ORC5: variants seen among roughly 807,000 people sequenced by gnomAD.
The protein encoded by ORC5 is protein phosphatase 1, regulatory subunit 117.
A neutral mutation model predicts 58.8 loss-of-function variants in ORC5; 39 were observed. The observed-to-expected ratio is 0.66, with a 90% CI of 0.51 to 0.87. The LOEUF (loss-of-function observed/expected upper bound fraction) is 0.87, where lower values mean the gene tolerates loss of function less well. Ranked by LOEUF, ORC5 falls within the 40% of genes least tolerant of loss-of-function variation. The pLI is 0.00. For synonymous variants in ORC5, 218 were observed against 177.6 expected, an observed-to-expected ratio of 1.23 and a Z score of -1.81; for missense variants, 493 against 506.3, an observed-to-expected ratio of 0.97 and a Z score of 0.25.
intron 8 of ORC5, among the ~76,000 whole-genome samples, chr7:104,176,042 T>C (rs899957808): frequency 2.6e-4 from 39 of 152,260 alleles, no homozygotes; most frequent in African/African-American, 7.0e-4. Flanking sequence ...CTTCATAAGA[T>C]TGCCTACTGG....
At position 104,138,121 on chromosome 7, in the gene ORC5, C is replaced by T. The variant is rs1347067955; in HGVS notation, c.1150-1228G>A. 2.0e-5 allele frequency among the ~76,000 whole-genome samples: 3 copies of T among 152,206 alleles called. No individual in the cohort carries two copies. Among genetic ancestry groups the T allele is most frequent in the Non-Finnish European group, 2.9e-5 (2 of 68,036 alleles). On this transcript the variant is annotated intron_variant, in intron 12 of 13. Coordinates refer to ENST00000297431, the MANE Select transcript of ORC5 (RefSeq NM_002553.4). This position sits in a 1 kb window ranked among gnomAD's most constrained non-coding sequence, Gnocchi z 4.7. ...GGGACACTGAAGAAGCAAGCCACTACCCCTGGAAGGGGGACAAGGGAACTT... is the reference window on the plus strand; with the variant it reads ...GGGACACTGAAGAAGCAAGCCACTATCCCTGGAAGGGGGACAAGGGAACTT...
Position 104,174,683 on chromosome 7 carries a change from C to T in ORC5, c.825-6158G>A, listed in dbSNP as rs183105900. On this transcript the variant is annotated intron_variant, in intron 8 of 13. Transcript: ENST00000297431. ...ACGGCAGTCTCCCAATAGATAGAAACGCCTGAAACTGGTGATCAGCAGCTT... is the reference window on the plus strand; with the variant it reads ...ACGGCAGTCTCCCAATAGATAGAAATGCCTGAAACTGGTGATCAGCAGCTT... Among the ~76,000 whole-genome samples the T allele has an allele frequency of 7.2e-4, 109 of 152,266 alleles. 1 individual carries two copies. The Middle Eastern group carries it at 0.01, about 14-fold the overall frequency.
chr7:104,160,091 G>A (rs1798998085), intron 12 of ORC5, among the ~76,000 whole-genome samples: 1 of 152,086 alleles, frequency 6.6e-6, no homozygotes, highest in Non-Finnish European at 1.5e-5. Context: ...TAGTAACTGA[G>A]TGAACTGAGT....
At position 104,128,884 on chromosome 7, in the gene ORC5, T is replaced by A. The variant is rs1338271847; in HGVS notation, c.1263-1991A>T. Among the ~76,000 whole-genome samples the A allele has an allele frequency of 3.9e-5, 6 of 152,078 alleles. No homozygotes were observed. The East Asian group carries it at 1.2e-3, about 29-fold the overall frequency. On this transcript the variant is annotated intron_variant, in intron 13 of 13. Transcript: ENST00000297431. ...GTAATATGGTAAAATGGACTTAATG[T>A]TGTGTTGCTAATTTTTTTTTTTTCT...
At chr7:104,177,958 T>C (rs1799357108) in intron 8 of ORC5, among the ~76,000 whole-genome samples, 1 of 152,336 alleles carries the variant, frequency 6.6e-6, no homozygotes, top group Middle Eastern at 3.4e-3. Context: ...ATTTTCTTTA[T>C]CCAGTCTATC....
intron 12 of ORC5, among the ~76,000 whole-genome samples, chr7:104,150,644 C>A (rs1327286681): frequency 2.0e-5 from 3 of 151,914 alleles, no homozygotes; most frequent in African/African-American, 7.3e-5. Flanking sequence ...GAAGATAAAG[C>A]CTCTAATCTC....
chr7:104,170,436 G>A (rs545768636), intron 8 of ORC5, among the ~76,000 whole-genome samples: 8 of 152,326 alleles, frequency 5.3e-5, no homozygotes, highest in Admixed American at 3.3e-4. Context: ...ATCCTTCTAA[G>A]AGGAAGACAA....
At chr7:104,173,896 G>C (rs1043869411) in intron 8 of ORC5, among the ~76,000 whole-genome samples, 3 of 142,384 alleles carry the variant, frequency 2.1e-5, no homozygotes, top group African/African-American at 5.1e-5. Context: ...CCAGGCTGGA[G>C]TGCAGTGGCG....
rs1407030356 is a variant in ORC5, at chr7:104,188,178, A to C, written c.684+73T>G. On this transcript the variant is annotated intron_variant, in intron 6 of 13. Transcript: ENST00000297431. ...CTACATGGAAAACATTAAAATACAT[A>C]TATACACATATATGTATACACACAC... 4 of 1,080,088 alleles carry C rather than the reference A, an allele frequency of 3.7e-6. No homozygotes were observed. In the South Asian group the frequency reaches 5.4e-5, roughly 15 times the overall value. 66.9% of individuals were successfully genotyped at this position (1,080,088 alleles called of 1,614,324 possible).
intron 12 of ORC5, among the ~76,000 whole-genome samples, chr7:104,151,788 G>A (rs138416107): frequency 2.7e-4 from 41 of 152,270 alleles, no homozygotes; most frequent in East Asian, 1.5e-3. Flanking sequence ...GAGCACTAGC[G>A]CCAAGGGAGT....
At chr7:104,173,868 G>A (rs1168709985) in intron 8 of ORC5, among the ~76,000 whole-genome samples, 1 of 105,472 alleles carries the variant, frequency 9.5e-6, no homozygotes, top group African/African-American at 3.2e-5. Context: ...TTTTTGAGAC[G>A]GAGTCTCGCT....
At chr7:104,205,714 C>G (rs1800062836) in intron 1 of ORC5, among the ~76,000 whole-genome samples, 1 of 152,186 alleles carries the variant, frequency 6.6e-6, no homozygotes, top group African/African-American at 2.4e-5. Context: ...CATAAATTAA[C>G]TGGCCCAAAA....
chr7:104,151,091 G>T (rs1478684212), intron 12 of ORC5, among the ~76,000 whole-genome samples: 1 of 152,136 alleles, frequency 6.6e-6, no homozygotes, highest in African/African-American at 2.4e-5. Flanking sequence ...ACAGCTTATT[G>T]TGAATGGTAT....
chr7:104,133,701 G>A lies in ORC5; in HGVS notation c.1262+3080C>T, dbSNP rs1228590536. Among the ~76,000 whole-genome samples, 1 of 152,118 alleles carries A rather than the reference G, an allele frequency of 6.6e-6. No individual in the cohort carries two copies. The highest frequency in any genetic ancestry group is 2.4e-5 in the African/African-American group (1 of 41,402). On this transcript the variant is annotated intron_variant, in intron 13 of 13. Coordinates refer to ENST00000297431, the MANE Select transcript of ORC5 (RefSeq NM_002553.4). The surrounding 1 kb of genome is among the most constrained non-coding windows in gnomAD (Gnocchi z 4.7). ...TTGCCTAGGGAAAAAAATGTAATAT[G>A]AGAAAAGAGCCTAGGGCCAAGCCTA...
intron 12 of ORC5, among the ~76,000 whole-genome samples, chr7:104,150,207 G>T (rs976741247): frequency 1.3e-5 from 2 of 152,172 alleles, no homozygotes; most frequent in East Asian, 1.9e-4. Context: ...TTTTTAACAT[G>T]CTCATTATTT....
chr7:104,133,569 G>A lies in ORC5; in HGVS notation c.1262+3212C>T, dbSNP rs1798545307. On this transcript the variant is annotated intron_variant, in intron 13 of 13. Coordinates refer to ENST00000297431, the MANE Select transcript of ORC5 (RefSeq NM_002553.4). This position sits in a 1 kb window ranked among gnomAD's most constrained non-coding sequence, Gnocchi z 4.7. ...TTTGGAAATGTATTAATATAGCTGG[G>A]AAACAGCAATAAAGGTCAAGAATAT... Among the ~76,000 whole-genome samples, 1 of 152,182 alleles carries A rather than the reference G, an allele frequency of 6.6e-6. No homozygotes were observed. Among genetic ancestry groups the A allele is most frequent in the South Asian group, 2.1e-4 (1 of 4,826 alleles).
chr7:104,205,086 C>CTTTTTTTTTTTTTTTTTTTTTTT (rs10672012), intron 1 of ORC5, among the ~76,000 whole-genome samples: 1 of 99,452 alleles, frequency 1.0e-5, no homozygotes. Context: ...TAATAATACT[C>CTTTTTTTTTTTTTTTTTTTTTTT]TTTTTTTTTT....
intron 12 of ORC5, among the ~76,000 whole-genome samples, chr7:104,143,282 G>A (rs991822589): frequency 4.6e-5 from 7 of 151,798 alleles, no homozygotes; most frequent in South Asian, 2.1e-4. Context: ...TTCTTTAATC[G>A]AAATTGTATG....
intron 6 of ORC5, among the ~76,000 whole-genome samples, chr7:104,186,496 T>C (rs7801202): frequency 0.028 from 4,334 of 152,250 alleles, 188 homozygotes; most frequent in African/African-American, 0.099. Flanking sequence ...TCATAAGGTT[T>C]GTTAGAGAAA....
Sources: gnomAD v4.1 joint callset for allele counts (sites outside exome capture counted in the v4.1 genomes callset) on GRCh38, gnomAD v4.1.1 for gene constraint, Gnocchi (gnomAD v3.1) non-coding constraint, MANE v1.5 for transcripts, NCBI Gene and HGNC (gene_info 2026-07-23, HGNC 2026-07-21) for gene names.